Variants in NUS1 observed in about 807,000 individuals in gnomAD.
NUS1 encodes the protein dehydrodolichyl diphosphate synthase complex subunit NUS1.
For synonymous variants in NUS1, 135 were observed against 155.2 expected (o/e 0.87, Z 0.97); for missense variants, 292 against 382.9 (o/e 0.76, Z 1.98).
In NUS1 at chr6:117,681,439, C is replaced by T. The variant is rs565622106; in HGVS notation, c.415+5354C>T. On this transcript the variant is annotated intron_variant, in intron 1 of 4. Coordinates refer to ENST00000368494, the MANE Select transcript of NUS1 (RefSeq NM_138459.5). ...ATTTCCTGTAGATAAGAATAATGAA[C>T]TGAGTTGCACTCTCTGCTTCCCAAC... is the stretch of plus-strand genomic sequence containing the variant. Among the ~76,000 whole-genome samples, 5 of 152,270 alleles carry T rather than the reference C, an allele frequency of 3.3e-5. No homozygotes were observed. The South Asian group carries it at 1.0e-3, about 32-fold the overall frequency.
At chr6:117,686,852 A>ATGTGTGTGTG (rs56080181) in intron 1 of NUS1, among the ~76,000 whole-genome samples, 7 of 139,308 alleles carry the variant, frequency 5.0e-5, no homozygotes, top group African/African-American at 1.1e-4. Context: ...TGAAGTGTGT[A>ATGTGTGTGTG]TGTGTGTGTG....
chr6:117,695,701 T>C (rs889529830), intron 3 of NUS1, among the ~76,000 whole-genome samples: 12 of 152,172 alleles, frequency 7.9e-5, no homozygotes, highest in Admixed American at 6.5e-5. Context: ...AAAAGTTCCT[T>C]TGTGACTGCA....
chr6:117,685,147 G>T (rs886358369), intron 1 of NUS1, among the ~76,000 whole-genome samples: 3 of 152,190 alleles, frequency 2.0e-5, no homozygotes, highest in Non-Finnish European at 4.4e-5. Flanking sequence ...CCCCCAAAAT[G>T]CATACCTGCT....
At position 117,690,392 on chromosome 6, in the gene NUS1, A is replaced by C. The variant is rs535318967; in HGVS notation, c.416-2650A>C. 1.2e-4 allele frequency among the ~76,000 whole-genome samples: 19 copies of C among 152,294 alleles called. No homozygotes were observed. The South Asian group carries it at 1.5e-3, about 12-fold the overall frequency. On this transcript the variant is annotated intron_variant, in intron 1 of 4. Coordinates refer to ENST00000368494, the MANE Select transcript of NUS1 (RefSeq NM_138459.5). ...TTATTCTTGTGTATATGGCTGTCCC[A>C]CGTTAAGGAGGCTGACTCCCAAGTG... is the stretch of plus-strand genomic sequence containing the variant.
At chr6:117,683,918 A>G (rs1242424272) in intron 1 of NUS1, among the ~76,000 whole-genome samples, 1 of 152,232 alleles carries the variant, frequency 6.6e-6, no homozygotes, top group Non-Finnish European at 1.5e-5. Context: ...TAAAAAAAGT[A>G]TGCATGTCAT....
Position 117,703,723 on chromosome 6 carries a change from A to G in NUS1, c.791+19A>G, listed in dbSNP as rs1355752506. The G allele has an allele frequency of 1.9e-6, 3 of 1,549,344 alleles. No homozygotes were observed. Among genetic ancestry groups the G allele is most frequent in the Non-Finnish European group, 2.7e-6 (3 of 1,120,986 alleles). On this transcript the variant is annotated intron_variant, in intron 4 of 4. Coordinates refer to ENST00000368494, the MANE Select transcript of NUS1 (RefSeq NM_138459.5). ...AGATTGTGTAAGTAATTAAAAGCGT[A>G]CTGACTTTGTTTAGATTCAGCAAGT...
At chr6:117,698,377 G>A (rs560101962) in intron 3 of NUS1, among the ~76,000 whole-genome samples, 2 of 152,064 alleles carry the variant, frequency 1.3e-5, no homozygotes, top group Non-Finnish European at 2.9e-5. Context: ...GATCATTAGT[G>A]GCTGCTATGA....
chr6:117,688,611 A>C (rs188206635), intron 1 of NUS1, among the ~76,000 whole-genome samples: 30 of 152,098 alleles, frequency 2.0e-4, no homozygotes, highest in Admixed American at 1.9e-3. Context: ...TGCTCCTTTT[A>C]ATTTATTTTC....
intron 4 of NUS1, among the ~76,000 whole-genome samples, chr6:117,704,062 G>A (rs1375768371): frequency 6.6e-6 from 1 of 152,102 alleles, no homozygotes; most frequent in Non-Finnish European, 1.5e-5. Flanking sequence ...AAGAAATAAG[G>A]AACTAGCCAC....
At chr6:117,677,501 A>G (rs1773001551) in intron 1 of NUS1, among the ~76,000 whole-genome samples, 1 of 152,246 alleles carries the variant, frequency 6.6e-6, no homozygotes, top group East Asian at 1.9e-4. Flanking sequence ...GGAAGAAAAC[A>G]AAAGTTTTAT....
chr6:117,705,112 C>CCCTA (rs1454673942), intron 4 of NUS1, among the ~76,000 whole-genome samples: 2 of 152,146 alleles, frequency 1.3e-5, no homozygotes, highest in East Asian at 3.9e-4. Context: ...GACTCTAAAT[C>CCCTA]ATCTGGTCCC....
chr6:117,677,242 G>A (rs1772997785), intron 1 of NUS1, among the ~76,000 whole-genome samples: 1 of 152,182 alleles, frequency 6.6e-6, no homozygotes, highest in Non-Finnish European at 1.5e-5. Flanking sequence ...TATTTGACAT[G>A]GTTAATAACA....
chr6:117,699,488 A>G (rs534568535), intron 3 of NUS1, among the ~76,000 whole-genome samples: 2 of 152,180 alleles, frequency 1.3e-5, no homozygotes, highest in Non-Finnish European at 2.9e-5. Flanking sequence ...GAAATTAAGG[A>G]GGACAGCCAA....
chr6:117,696,091 AAAT>A (rs201307830), intron 3 of NUS1, among the ~76,000 whole-genome samples: 2 of 152,182 alleles, frequency 1.3e-5, no homozygotes, highest in East Asian at 3.9e-4. Flanking sequence ...AAAGAGAGTG[AAAT>A]AATTAAAAAG....
At chr6:117,706,658 A>G (rs184703979) in intron 4 of NUS1, among the ~76,000 whole-genome samples, 7 of 152,222 alleles carry the variant, frequency 4.6e-5, no homozygotes, top group South Asian at 2.1e-4. Context: ...GCTATCTTCA[A>G]TGAACACTCG....
chr6:117,675,558 G>C lies in NUS1; in HGVS notation c.-113G>C, dbSNP rs1026782946. The C allele has an allele frequency of 6.0e-5, 69 of 1,143,118 alleles. No individual in the cohort carries two copies. The highest frequency in any genetic ancestry group is 3.1e-4 in the Admixed American group (14 of 44,618). 70.8% of individuals were successfully genotyped at this position (1,143,118 alleles called of 1,614,324 possible). ...GGCAGTGGAAAGGGGTTCGGGCTCGGGGGGCGGGGGGACGCGGAGCGATGG... is the reference window on the plus strand; with the variant it reads ...GGCAGTGGAAAGGGGTTCGGGCTCGCGGGGCGGGGGGACGCGGAGCGATGG... On this transcript the variant is annotated 5_prime_UTR_variant, in exon 1 of 5. Transcript: ENST00000368494.
chr6:117,677,603 A>G (rs1773002860), intron 1 of NUS1, among the ~76,000 whole-genome samples: 1 of 152,230 alleles, frequency 6.6e-6, no homozygotes, highest in South Asian at 2.1e-4. Flanking sequence ...CAGAAAGGGA[A>G]GGCATAGGCC....
chr6:117,679,247 A>G (rs1260901677), intron 1 of NUS1, among the ~76,000 whole-genome samples: 1 of 152,192 alleles, frequency 6.6e-6, no homozygotes, highest in African/African-American at 2.4e-5. Context: ...TCTGGTAAGG[A>G]AGGGAGCAAC....
chr6:117,686,716 C>T (rs887320086), intron 1 of NUS1, among the ~76,000 whole-genome samples: 3 of 151,792 alleles, frequency 2.0e-5, no homozygotes, highest in Non-Finnish European at 4.4e-5. Flanking sequence ...AGTTTGGATC[C>T]TAGAAGGGAA....
Sources: gnomAD v4.1 joint callset for allele counts (sites outside exome capture counted in the v4.1 genomes callset) on GRCh38, gnomAD v4.1.1 for gene constraint, MANE v1.5 for transcripts, NCBI Gene and HGNC (gene_info 2026-07-23, HGNC 2026-07-21) for gene names.